KCNIP4: variants seen among roughly 807,000 people sequenced by gnomAD.
KCNIP4 encodes potassium voltage-gated channel interacting protein 4.
In KCNIP4, 12 loss-of-function variants were observed where a neutral mutation model predicts 34.0. That is an observed-to-expected ratio of 0.35 (90% CI 0.23 to 0.57). The LOEUF (loss-of-function observed/expected upper bound fraction) is 0.57, where lower values mean the gene tolerates loss of function less well. Among genes scored for constraint, KCNIP4 ranks in the 20% least tolerant of loss-of-function variants. The probability of loss-of-function intolerance (pLI) is 0.83; values close to 1 mark genes in which losing one functional copy is unlikely to be tolerated. For missense variants in KCNIP4, 238 were observed against 311.7 expected (o/e 0.76, Z 1.78); for synonymous variants, 124 against 102.2 (o/e 1.21, Z -1.29).
chr4:21,742,189 A>T (rs550654772), intron 1 of KCNIP4, among the ~76,000 whole-genome samples: 37 of 152,340 alleles, frequency 2.4e-4, no homozygotes, highest in Admixed American at 2.4e-3. Context: ...GTACAGAGCT[A>T]TGCGAAAATG....
intron 1 of KCNIP4, among the ~76,000 whole-genome samples, chr4:21,518,641 G>C (rs1342152391): frequency 6.6e-6 from 1 of 152,056 alleles, no homozygotes; most frequent in Non-Finnish European, 1.5e-5. Flanking sequence ...TGGTGGAGAA[G>C]AGTCATTTTT....
chr4:21,929,936 T>G (rs1316580844), intron 1 of KCNIP4, among the ~76,000 whole-genome samples: 1 of 152,172 alleles, frequency 6.6e-6, no homozygotes, highest in Non-Finnish European at 1.5e-5. Context: ...CATCTCTGAT[T>G]CCTTCTCCTG....
chr4:21,890,182 A>T (rs976646185), intron 1 of KCNIP4, among the ~76,000 whole-genome samples: 1 of 152,146 alleles, frequency 6.6e-6, no homozygotes, highest in Non-Finnish European at 1.5e-5. Flanking sequence ...AATGATAGTT[A>T]ACACTGAAGC....
At chr4:20,869,865 G>A (rs1723256751) in intron 2 of KCNIP4, among the ~76,000 whole-genome samples, 1 of 152,052 alleles carries the variant, frequency 6.6e-6, no homozygotes, top group Non-Finnish European at 1.5e-5. Flanking sequence ...TTAGCTCTGT[G>A]TGACCTTGGG....
Position 21,475,001 on chromosome 4 carries a change from G to GA in KCNIP4, c.61+473569dup, listed in dbSNP as rs749503341. 4.1e-3 allele frequency among the ~76,000 whole-genome samples: 381 copies of GA among 92,410 alleles called. 8 individuals are homozygous for GA. The highest frequency in any genetic ancestry group is 6.0e-3 in the Non-Finnish European group (289 of 47,844). 60.6% of individuals were successfully genotyped at this position (92,410 alleles called of 152,430 possible). A position where few individuals can be genotyped will look rare whatever the true frequency, so the allele number is the denominator to read the frequency against. ...GGACAAAAGAATGAGACTCCATCTC[G>GA]AAAAACAAAAAAAAAAGACGTTAAT... On this transcript the variant is annotated intron_variant, in intron 1 of 8. Transcript: ENST00000382152.
chr4:21,106,641 G>T (rs1009826481), intron 1 of KCNIP4, among the ~76,000 whole-genome samples: 13 of 151,286 alleles, frequency 8.6e-5, no homozygotes, highest in Non-Finnish European at 1.6e-4. Context: ...TTCTGCTAGC[G>T]TTTGAATGTG....
chr4:21,304,365 G>A (rs539376976), intron 1 of KCNIP4, among the ~76,000 whole-genome samples: 9 of 152,172 alleles, frequency 5.9e-5, no homozygotes, highest in East Asian at 1.9e-4. Flanking sequence ...GGAACGTCCC[G>A]AGGAAACATG....
intron 1 of KCNIP4, among the ~76,000 whole-genome samples, chr4:21,919,942 T>C (rs1476519100): frequency 3.3e-5 from 5 of 152,172 alleles, no homozygotes; most frequent in South Asian, 4.1e-4. Flanking sequence ...ATTTATGTTA[T>C]AGTTAAAAAA....
chr4:21,395,195 A>G lies in KCNIP4; in HGVS notation c.62-512486T>C, dbSNP rs535411686. Among the ~76,000 whole-genome samples the G allele has an allele frequency of 1.3e-4, 20 of 152,282 alleles. No individual in the cohort carries two copies. In the South Asian group the frequency reaches 3.5e-3, roughly 27 times the overall value. On this transcript the variant is annotated intron_variant, in intron 1 of 8. Coordinates refer to ENST00000382152, the MANE Select transcript of KCNIP4 (RefSeq NM_025221.6). ...GCAGAAGCAGAAATTTGTGAGAAATAAGGCTTCCATAAATCCCTTTAGGGC... is the reference window on the plus strand; with the variant it reads ...GCAGAAGCAGAAATTTGTGAGAAATGAGGCTTCCATAAATCCCTTTAGGGC...
At chr4:21,434,040 T>G (rs1726733735) in intron 1 of KCNIP4, among the ~76,000 whole-genome samples, 1 of 152,194 alleles carries the variant, frequency 6.6e-6, no homozygotes, top group South Asian at 2.1e-4. Context: ...CTACTATTTT[T>G]ATTCCAGGCT....
chr4:21,093,232 G>A (rs1747155716), intron 1 of KCNIP4, among the ~76,000 whole-genome samples: 1 of 152,086 alleles, frequency 6.6e-6, no homozygotes, highest in Non-Finnish European at 1.5e-5. Flanking sequence ...ATTAGTAGGC[G>A]ATATTACAGC....
At chr4:21,291,823 C>T (rs1411619586) in intron 1 of KCNIP4, among the ~76,000 whole-genome samples, 1 of 137,682 alleles carries the variant, frequency 7.3e-6, no homozygotes, top group Admixed American at 8.1e-5. Context: ...CGCTGCACTC[C>T]AGCCTGGGCG....
chr4:21,785,742 G>C (rs1719868403), intron 1 of KCNIP4, among the ~76,000 whole-genome samples: 1 of 152,000 alleles, frequency 6.6e-6, no homozygotes, highest in Admixed American at 6.6e-5. Flanking sequence ...GTCACCTTTT[G>C]TGTCTAGTTT....
At chr4:21,457,998 C>CT (rs35449884) in intron 1 of KCNIP4, among the ~76,000 whole-genome samples, 17,468 of 149,262 alleles carry the variant, frequency 0.12, 1,178 homozygotes, top group South Asian at 0.17. Context: ...CATGGTAACA[C>CT]TTTTTTTTTT....
intron 1 of KCNIP4, among the ~76,000 whole-genome samples, chr4:20,931,240 T>TA (rs1005781361): frequency 4.0e-5 from 6 of 151,232 alleles, no homozygotes; most frequent in African/African-American, 1.5e-4. Context: ...TCTTCAGCCA[T>TA]AAAAAAAGGT....
chr4:21,167,093 A>AAT (rs1560776174), intron 1 of KCNIP4, among the ~76,000 whole-genome samples: 1 of 152,132 alleles, frequency 6.6e-6, no homozygotes, highest in Non-Finnish European at 1.5e-5. Context: ...TATATATAAG[A>AAT]AGCCAGATAA....
chr4:21,531,533 G>A (rs1485059000), intron 1 of KCNIP4, among the ~76,000 whole-genome samples: 1 of 151,866 alleles, frequency 6.6e-6, no homozygotes, highest in East Asian at 1.9e-4. Context: ...TGGCCACCAT[G>A]CCTGGCTAAT....
chr4:20,755,171 A>C (rs533099762), intron 4 of KCNIP4, among the ~76,000 whole-genome samples: 1 of 152,166 alleles, frequency 6.6e-6, no homozygotes, highest in Non-Finnish European at 1.5e-5. Context: ...CATCCAAAGT[A>C]TATCCAAATT....
chr4:21,354,223 T>G (rs1042495108), intron 1 of KCNIP4, among the ~76,000 whole-genome samples: 8 of 152,266 alleles, frequency 5.3e-5, no homozygotes, highest in Non-Finnish European at 8.8e-5. Context: ...ATCGATGCTA[T>G]GAAGAAACTG....
Sources: gnomAD v4.1 joint callset for allele counts (sites outside exome capture counted in the v4.1 genomes callset) on GRCh38, gnomAD v4.1.1 for gene constraint, MANE v1.5 for transcripts, NCBI Gene and HGNC (gene_info 2026-07-23, HGNC 2026-07-21) for gene names.